Variants in GRIA3 observed in about 807,000 individuals in gnomAD.
GRIA3 encodes the protein glutamate ionotropic receptor AMPA type subunit 3.
In GRIA3, 3 loss-of-function variants were observed where a neutral mutation model predicts 63.0. The observed-to-expected ratio is 0.05, with a 90% CI of 0.02 to 0.12. The LOEUF (loss-of-function observed/expected upper bound fraction) is 0.12. Among genes scored for constraint, GRIA3 ranks in the 10% least tolerant of loss-of-function variants. The probability of loss-of-function intolerance (pLI) is 1.00; values close to 1 mark genes in which losing one functional copy is unlikely to be tolerated. For missense variants in GRIA3, 347 were observed against 700.9 expected (o/e 0.50, Z 5.70); for synonymous variants, 274 against 257.9 (o/e 1.06, Z -0.60).
intron 3 of GRIA3, among the ~76,000 whole-genome samples, chrX:123,294,157 A>ATT (rs2044672127): frequency 9.0e-6 from 1 of 110,824 alleles, no homozygotes; most frequent in Non-Finnish European, 1.9e-5. Flanking sequence ...TGAGTTTGGT[A>ATT]CTGTTATTAT....
intron 2 of GRIA3, among the ~76,000 whole-genome samples, chrX:123,212,239 T>C (rs950387803): frequency 2.6e-4 from 29 of 111,542 alleles, no homozygotes; most frequent in African/African-American, 9.1e-4. Context: ...ACCTAGATTA[T>C]TTCTCAAGTG....
chrX:123,471,730 A>G (rs1253530826), intron 13 of GRIA3, among the ~76,000 whole-genome samples: 2 of 108,692 alleles, frequency 1.8e-5, no homozygotes, highest in Non-Finnish European at 3.8e-5. Flanking sequence ...ATTTGATGCA[A>G]TTGAAATATA....
intron 4 of GRIA3, among the ~76,000 whole-genome samples, chrX:123,348,093 C>G (rs935545579): frequency 1.8e-5 from 2 of 111,779 alleles, no homozygotes; most frequent in African/African-American, 6.5e-5. Context: ...CTGGCACTCT[C>G]AAGCTTGCTA....
In GRIA3 at chrX:123,480,147, G is replaced by A; in HGVS notation, c.2409G>A (p.Gly803=). Residue 803 remains glycine (G), a synonymous_variant, in exon 14 of 16, where the codon GGG becomes GGA. Coordinates refer to ENST00000620443, the MANE Select transcript of GRIA3 (RefSeq NM_007325.5). Reference sequence around the variant, plus strand: ...AAAACAAATGGTGGTACGATAAGGGGGAATGTGGAGCCAAGGACTCCGGGA... The same window carrying A: ...AAAACAAATGGTGGTACGATAAGGGAGAATGTGGAGCCAAGGACTCCGGGA... ...KLKNKWWYDK[G]ECGAKDSGSK... The A allele has an allele frequency of 8.4e-7, 1 of 1,194,546 alleles. No homozygotes were observed. The highest frequency in any genetic ancestry group is 1.1e-6 in the Non-Finnish European group (1 of 879,893).
intron 12 of GRIA3, among the ~76,000 whole-genome samples, chrX:123,444,046 A>C (rs2045690269): frequency 9.0e-6 from 1 of 111,575 alleles, no homozygotes; most frequent in Non-Finnish European, 1.9e-5. Flanking sequence ...GGGCAAGAGA[A>C]AGGTCCTTAA....
In GRIA3 at chrX:123,374,259, C is replaced by G. The variant is rs1257543609; in HGVS notation, c.750+19296C>G. ...TACCATGCTGTTTTGGTTACTGTAG[C>G]CTTGTAGTATAGTTTGAAGTCAGGT... On this transcript the variant is annotated intron_variant, in intron 5 of 15. Coordinates refer to ENST00000620443, the MANE Select transcript of GRIA3 (RefSeq NM_007325.5). Among the ~76,000 whole-genome samples, 9 of 111,704 alleles carry G rather than the reference C, an allele frequency of 8.1e-5. No homozygotes were observed. The Admixed American group carries it at 8.6e-4, about 11-fold the overall frequency.
intron 3 of GRIA3, among the ~76,000 whole-genome samples, chrX:123,282,995 T>G (rs1266971315): frequency 9.2e-6 from 1 of 108,228 alleles, no homozygotes. Context: ...CAGCTCCCAG[T>G]GAGATCAACA....
intron 4 of GRIA3, among the ~76,000 whole-genome samples, chrX:123,337,486 C>A (rs1382020452): frequency 9.0e-6 from 1 of 111,688 alleles, no homozygotes; most frequent in Non-Finnish European, 1.9e-5. Flanking sequence ...GGCCAGAATG[C>A]GCCTGCTGAG....
At chrX:123,254,868 T>A (rs1258849890) in intron 3 of GRIA3, among the ~76,000 whole-genome samples, 1 of 111,853 alleles carries the variant, frequency 8.9e-6, no homozygotes, top group Non-Finnish European at 1.9e-5. Flanking sequence ...TCCTTCTTAA[T>A]GTTATATTCC....
At position 123,483,192 on chromosome X, in the gene GRIA3, T is replaced by C. The variant is rs1334507276; in HGVS notation, c.*2+146T>C. 1.2e-5 allele frequency: 6 copies of C among 513,415 alleles called. No individual in the cohort carries two copies. The East Asian group carries it at 2.2e-4, about 19-fold the overall frequency. The allele number at this position is 513,415 out of a possible 1,213,427, so 42.3% of individuals were successfully genotyped here. On this transcript the variant is annotated intron_variant, in intron 15 of 15. Coordinates refer to ENST00000620443, the MANE Select transcript of GRIA3 (RefSeq NM_007325.5). ...TTTGATTCTTTGAAAACAATGGTTG[T>C]GCTTTCTTGTCAGGCAGTGGTGCTT...
intron 11 of GRIA3, among the ~76,000 whole-genome samples, chrX:123,420,130 C>T (rs1251198450): frequency 9.0e-6 from 1 of 111,586 alleles, no homozygotes; most frequent in African/African-American, 3.3e-5. Context: ...GAACATTAAT[C>T]CAGATACTGA....
intron 12 of GRIA3, among the ~76,000 whole-genome samples, chrX:123,447,409 C>A (rs2045708577): frequency 8.9e-6 from 1 of 112,130 alleles, no homozygotes; most frequent in Non-Finnish European, 1.9e-5. Flanking sequence ...TGCAGTTTGA[C>A]TATTTATCTT....
At chrX:123,481,691 G>T (rs2045913437) in intron 14 of GRIA3, among the ~76,000 whole-genome samples, 1 of 111,644 alleles carries the variant, frequency 9.0e-6, no homozygotes, top group Admixed American at 9.5e-5. Flanking sequence ...ACTACAAAAT[G>T]CTATTTTATT....
chrX:123,401,928 G>C (rs1042514720), intron 7 of GRIA3, among the ~76,000 whole-genome samples: 1 of 111,797 alleles, frequency 8.9e-6, no homozygotes, highest in Non-Finnish European at 1.9e-5. Flanking sequence ...TATTTGTAGA[G>C]GGTATTTCAT....
intron 13 of GRIA3, among the ~76,000 whole-genome samples, chrX:123,477,301 T>C (rs2045891573): frequency 8.9e-6 from 1 of 112,794 alleles, no homozygotes; most frequent in Non-Finnish European, 1.9e-5. Context: ...ATTGTTCATG[T>C]ATTCATTGAT....
chrX:123,336,313 G>A (rs1266907850), intron 4 of GRIA3, among the ~76,000 whole-genome samples: 1 of 112,271 alleles, frequency 8.9e-6, no homozygotes, highest in Admixed American at 9.5e-5. Flanking sequence ...CAAAGTTCTG[G>A]ACTTTGATGA....
rs572647021 is a variant in GRIA3 at position 123,420,864 on chromosome X, G to A, written c.1877+3086G>A. On this transcript the variant is annotated intron_variant, in intron 11 of 15. Coordinates refer to ENST00000620443, the MANE Select transcript of GRIA3 (RefSeq NM_007325.5). ...TATCAAATGCTTTTTTTCAAAGTAT[G>A]TATTTTATTATACTAAACTAGACAC... Among the ~76,000 whole-genome samples, 17 of 110,930 alleles carry A rather than the reference G, an allele frequency of 1.5e-4. No homozygotes were observed. In the South Asian group the frequency reaches 5.3e-3, roughly 35 times the overall value.
intron 4 of GRIA3, among the ~76,000 whole-genome samples, chrX:123,349,358 C>T (rs942169041): frequency 8.9e-5 from 10 of 112,153 alleles, no homozygotes; most frequent in African/African-American, 3.2e-4. Context: ...TTTGCCTCTC[C>T]TGCTGTTTAG....
chrX:123,278,078 G>A (rs975213547), intron 3 of GRIA3, among the ~76,000 whole-genome samples: 1 of 112,056 alleles, frequency 8.9e-6, no homozygotes, highest in African/African-American at 3.2e-5. Context: ...AGCAGTCAAC[G>A]TTTCAACGAT....
Sources: gnomAD v4.1 joint callset for allele counts (sites outside exome capture counted in the v4.1 genomes callset) on GRCh38, gnomAD v4.1.1 for gene constraint, MANE v1.5 for transcripts, NCBI Gene and HGNC (gene_info 2026-07-23, HGNC 2026-07-21) for gene names.